RSRC1: variants seen among roughly 807,000 people sequenced by gnomAD.
The protein encoded by RSRC1 is arginine and serine rich coiled-coil 1.
RSRC1 carries 39 observed loss-of-function variants against 49.1 expected under a neutral mutation model. The observed-to-expected ratio is 0.79, with a 90% CI of 0.61 to 1.04. RSRC1 has a LOEUF of 1.04. Among genes scored for constraint, RSRC1 ranks in the 50% least tolerant of loss-of-function variants. The pLI, the probability that RSRC1 is intolerant of heterozygous loss-of-function variation, is 0.00. For missense variants in RSRC1, 388 were observed against 402.4 expected, an observed-to-expected ratio of 0.96 and a Z score of 0.31; for synonymous variants, 143 against 130.8, an observed-to-expected ratio of 1.09 and a Z score of -0.63.
intron 7 of RSRC1, among the ~76,000 whole-genome samples, 176 bp from the exon 8 acceptor site, chr3:158,536,916 T>G (rs1186050244): frequency 6.6e-6 from 1 of 151,564 alleles, no homozygotes; most frequent in Non-Finnish European, 1.5e-5. Flanking sequence ...AGTATAAGTC[T>G]TAGTTCATAG....
intron 3 of RSRC1, among the ~76,000 whole-genome samples, chr3:158,180,419 C>CGTGTGTGTGTGTGTGT (rs374155981): frequency 0.017 from 707 of 40,740 alleles, 9 homozygotes; most frequent in Non-Finnish European, 0.02. Context: ...TTTTTTTTGC[C>CGTGTGTGTGTGTGTGT]GTGTGTGTGT....
intron 4 of RSRC1, 103 bp downstream of exon 4, chr3:158,203,348 T>C: frequency 3.3e-6 from 4 of 1,201,714 alleles, no homozygotes; most frequent in Non-Finnish European, 4.6e-6. Context: ...TTATTTGCTA[T>C]AAGAGTAGAA....
At chr3:158,127,360 C>T (rs955501977) in intron 3 of RSRC1, among the ~76,000 whole-genome samples, 1 of 151,854 alleles carries the variant, frequency 6.6e-6, no homozygotes, top group Non-Finnish European at 1.5e-5. Flanking sequence ...CTTCACTTTT[C>T]TTTATTCTTT....
chr3:158,148,481 G>A (rs1206896365), intron 3 of RSRC1, among the ~76,000 whole-genome samples: 2 of 151,946 alleles, frequency 1.3e-5, no homozygotes, highest in Non-Finnish European at 2.9e-5. Context: ...CACAGGACCT[G>A]GATTTCAATC....
chr3:158,354,824 G>C, intron 5 of RSRC1, 33 bp from the exon 6 acceptor site: 4 of 1,504,294 alleles, frequency 2.7e-6, no homozygotes, highest in Non-Finnish European at 3.6e-6. Flanking sequence ...TAAAAGTCTT[G>C]TATGGTTGAA....
chr3:158,438,832 A>C (rs2108368932), intron 6 of RSRC1, among the ~76,000 whole-genome samples: 1 of 151,972 alleles, frequency 6.6e-6, no homozygotes, highest in Admixed American at 6.6e-5. Flanking sequence ...ATCTAATTAA[A>C]CTAAAGAGCT....
intron 3 of RSRC1, among the ~76,000 whole-genome samples, chr3:158,131,439 T>A (rs1032269416): frequency 5.3e-5 from 8 of 152,178 alleles, no homozygotes; most frequent in Admixed American, 2.6e-4. Context: ...GAAGACCCCA[T>A]GGTCAGCGTG....
chr3:158,110,893 G>A (rs1714344201), intron 1 of RSRC1, among the ~76,000 whole-genome samples: 1 of 152,220 alleles, frequency 6.6e-6, no homozygotes, highest in African/African-American at 2.4e-5. Context: ...CGTAAGGCAT[G>A]TTGCCTGCTC....
intron 5 of RSRC1, among the ~76,000 whole-genome samples, chr3:158,332,842 A>G (rs1479739780): frequency 6.6e-6 from 1 of 152,146 alleles, no homozygotes; most frequent in Non-Finnish European, 1.5e-5. Flanking sequence ...AAAAAATGTA[A>G]TGTTAGCATT....
chr3:158,278,083 C>T lies in RSRC1; in HGVS notation c.495-19956C>T, dbSNP rs1045770411. ...GAAACATCACAACTAGACTTTACCA[C>T]TGTTAAGCCATCAAACTGCTGCCAT... On this transcript the variant is annotated intron_variant, in intron 4 of 9. Transcript: ENST00000611884. 2.0e-5 allele frequency among the ~76,000 whole-genome samples: 3 copies of T among 152,166 alleles called. No individual in the cohort carries two copies. The East Asian group carries it at 5.8e-4, about 29-fold the overall frequency.
At chr3:158,382,901 C>T (rs1351107393) in intron 6 of RSRC1, among the ~76,000 whole-genome samples, 1 of 152,134 alleles carries the variant, frequency 6.6e-6, no homozygotes, top group Non-Finnish European at 1.5e-5. Flanking sequence ...ATTTTCACCC[C>T]TACAAAGAGC....
intron 4 of RSRC1, among the ~76,000 whole-genome samples, chr3:158,222,718 T>A (rs1401603258): frequency 2.6e-5 from 4 of 151,694 alleles, no homozygotes; most frequent in Admixed American, 6.6e-5. Flanking sequence ...CTGTATTTAC[T>A]TCTTTTCTGA....
chr3:158,301,594 G>T (rs1394813646), intron 5 of RSRC1, among the ~76,000 whole-genome samples: 5 of 152,092 alleles, frequency 3.3e-5, no homozygotes. Context: ...TTACTCATTT[G>T]TTCAGTCATG....
intron 4 of RSRC1, among the ~76,000 whole-genome samples, chr3:158,261,088 A>G (rs1247925498): frequency 6.6e-6 from 1 of 152,130 alleles, no homozygotes; most frequent in Non-Finnish European, 1.5e-5. Flanking sequence ...ATAGTTGTTT[A>G]ATTTGCTGTT....
At chr3:158,500,991 G>A (rs1357736299) in intron 7 of RSRC1, among the ~76,000 whole-genome samples, 2 of 151,988 alleles carry the variant, frequency 1.3e-5, no homozygotes, top group Non-Finnish European at 2.9e-5. Flanking sequence ...TGATGTAGGT[G>A]TTTAGGGCTA....
intron 4 of RSRC1, among the ~76,000 whole-genome samples, chr3:158,214,171 T>G (rs2108291546): frequency 6.6e-6 from 1 of 152,064 alleles, no homozygotes; most frequent in Non-Finnish European, 1.5e-5. Flanking sequence ...TGTAAGGGAC[T>G]TGAGCATCCT....
At chr3:158,190,725 T>A (rs1578179749) in intron 3 of RSRC1, among the ~76,000 whole-genome samples, 1 of 151,790 alleles carries the variant, frequency 6.6e-6, no homozygotes, top group East Asian at 1.9e-4. Context: ...TATTTACATT[T>A]TTTGAAAAAT....
chr3:158,534,394 C>A (rs1265355613), intron 7 of RSRC1, among the ~76,000 whole-genome samples: 1 of 151,598 alleles, frequency 6.6e-6, no homozygotes, highest in Non-Finnish European at 1.5e-5. Context: ...CAAAAAACTC[C>A]ACCTTCGTGT....
intron 6 of RSRC1, among the ~76,000 whole-genome samples, chr3:158,418,533 T>C (rs1734870056): frequency 6.6e-6 from 1 of 151,910 alleles, no homozygotes; most frequent in African/African-American, 2.4e-5. Flanking sequence ...ACTTTAGAGA[T>C]CACATAACAG....
Sources: allele counts gnomAD v4.1 joint callset (sites outside exome capture counted in the v4.1 genomes callset), GRCh38; gene constraint gnomAD v4.1.1; transcripts MANE v1.5; gene names NCBI Gene and HGNC (gene_info 2026-07-23, HGNC 2026-07-21).